EYA4: variants seen among roughly 807,000 people sequenced by gnomAD.
EYA4 encodes EYA transcriptional coactivator and phosphatase 4.
Under a neutral mutation model 87.9 loss-of-function variants are expected in EYA4, and 31 were observed. That is an observed-to-expected ratio of 0.35 (90% CI 0.27 to 0.48). The LOEUF (loss-of-function observed/expected upper bound fraction) is 0.48, where lower values mean the gene tolerates loss of function less well. Among genes scored for constraint, EYA4 ranks in the 20% least tolerant of loss-of-function variants. The pLI is 0.99. For missense variants in EYA4, 678 were observed against 761.4 expected (o/e 0.89, Z 1.29); for synonymous variants, 263 against 270.6 (o/e 0.97, Z 0.28).
rs563225795 is a variant in EYA4 at position 133,311,887 on chromosome 6, A to C, written c.33+37074A>C. 2.0e-3 allele frequency among the ~76,000 whole-genome samples: 305 copies of C among 152,358 alleles called. 1 individual carries two copies. Among genetic ancestry groups the C allele is most frequent in the African/African-American group, 7.1e-3 (294 of 41,578 alleles). On this transcript the variant is annotated intron_variant, in intron 2 of 19. Coordinates refer to ENST00000355286, the MANE Select transcript of EYA4 (RefSeq NM_004100.5). ...GAGAGAAGAAAAAGAAATGGAAAAC[A>C]GGAACACCTGTGGACTCTAGTCATG...
At chr6:133,420,440 TCTTC>T (rs1233249361) in intron 3 of EYA4, among the ~76,000 whole-genome samples, 1 of 152,228 alleles carries the variant, frequency 6.6e-6, no homozygotes, top group Non-Finnish European at 1.5e-5. Flanking sequence ...CTTCACTCCA[TCTTC>T]CTTGTTAGGA....
chr6:133,521,552 T>A (rs1326266554), intron 17 of EYA4, among the ~76,000 whole-genome samples: 7 of 123,946 alleles, frequency 5.6e-5, no homozygotes, highest in South Asian at 3.0e-4. Flanking sequence ...TGGAAGTCAG[T>A]GTGGCGATTC....
intron 3 of EYA4, among the ~76,000 whole-genome samples, chr6:133,429,363 A>G (rs1790976848): frequency 6.6e-6 from 1 of 152,212 alleles, no homozygotes; most frequent in Admixed American, 6.5e-5. Flanking sequence ...AAGCATTAGT[A>G]AGCTTAGGAG....
intron 3 of EYA4, among the ~76,000 whole-genome samples, chr6:133,401,098 A>G (rs1277960016): frequency 1.3e-5 from 2 of 152,196 alleles, no homozygotes; most frequent in African/African-American, 4.8e-5. Context: ...AACAACATGG[A>G]TAGAACTGGG....
At chr6:133,272,049 A>G (rs1430005295) in intron 1 of EYA4, among the ~76,000 whole-genome samples, 1 of 152,208 alleles carries the variant, frequency 6.6e-6, no homozygotes, top group Admixed American at 6.5e-5. Context: ...TCAGTATATA[A>G]TCACACATCT....
chr6:133,442,131 G>A (rs1413050831), intron 3 of EYA4, among the ~76,000 whole-genome samples: 1 of 151,852 alleles, frequency 6.6e-6, no homozygotes, highest in Admixed American at 6.6e-5. Flanking sequence ...CAACACTTGG[G>A]TCATAAACAG....
In EYA4 at chr6:133,481,483, A is replaced by C; in HGVS notation, c.991A>C (p.Ser331Arg). ...NQPGEFDTMQ[S>R]PSTPIKDLDE... ...TATAGGAGAGTTCGATACCATGCAGAGTCCCTCCACACCCATCAAAGATCT... is the reference window on the plus strand; with the variant it reads ...TATAGGAGAGTTCGATACCATGCAGCGTCCCTCCACACCCATCAAAGATCT... Residue 331 changes from serine (S) to arginine (R), a missense_variant, in exon 12 of 20, where the codon AGT (serine) becomes CGT (arginine). By Grantham distance (110) the Ser-to-Arg change is moderately radical. Coordinates refer to ENST00000355286, the MANE Select transcript of EYA4 (RefSeq NM_004100.5). 1.2e-6 allele frequency: 2 copies of C among 1,613,932 alleles called. No homozygotes were observed. The highest frequency in any genetic ancestry group is 2.2e-5 in the South Asian group (2 of 91,074).
At chr6:133,299,945 ATCTATCTATC>A (rs1393004912) in intron 2 of EYA4, among the ~76,000 whole-genome samples, 4 of 135,356 alleles carry the variant, frequency 3.0e-5, no homozygotes, top group East Asian at 2.0e-4. Context: ...CTATCTATCT[ATCTATCTATC>A]TATATATATA....
chr6:133,454,031 A>G (rs1046604547), intron 5 of EYA4, among the ~76,000 whole-genome samples: 5 of 152,176 alleles, frequency 3.3e-5, no homozygotes, highest in African/African-American at 9.7e-5. Flanking sequence ...CAAAATCAAT[A>G]CTAAGCTTTT....
At chr6:133,495,466 AAATAAATATAAAGAAATAT>A (rs148389913) in intron 13 of EYA4, among the ~76,000 whole-genome samples, 4,271 of 49,974 alleles carry the variant, frequency 0.085, 303 homozygotes, top group East Asian at 0.27. Context: ...ATTTATTTAT[AAATAAATATAAAGAAATAT>A]AGAAGAGAGA....
rs370720841 is a variant in EYA4, at chr6:133,367,066, T to C, written c.34-15326T>C. ...TGCTGTAAAAGAACCTGGAGGTATTTCACAGCTTTGGAGATGAAGGGTGCT... is the reference window on the plus strand; with the variant it reads ...TGCTGTAAAAGAACCTGGAGGTATTCCACAGCTTTGGAGATGAAGGGTGCT... On this transcript the variant is annotated intron_variant, in intron 2 of 19. Transcript: ENST00000355286. 4.1e-4 allele frequency among the ~76,000 whole-genome samples: 63 copies of C among 152,336 alleles called. 1 individual carries two copies. The South Asian group carries it at 9.9e-3, about 24-fold the overall frequency.
intron 2 of EYA4, among the ~76,000 whole-genome samples, chr6:133,277,604 A>ATGAG (rs1251409574): frequency 3.3e-5 from 5 of 152,244 alleles, no homozygotes; most frequent in Admixed American, 1.3e-4. Context: ...ATGCTCTTTA[A>ATGAG]TGAGTATTCA....
In EYA4 at chr6:133,396,422, G is replaced by A. The variant is rs569331054; in HGVS notation, c.83+13981G>A. ...AGCCTGGGAAAAAATGATTAATGTG[G>A]TTTGGTGGGATGCCAAGACAGATGC... On this transcript the variant is annotated intron_variant, in intron 3 of 19. Coordinates refer to ENST00000355286, the MANE Select transcript of EYA4 (RefSeq NM_004100.5). Among the ~76,000 whole-genome samples the A allele has an allele frequency of 2.8e-3, 420 of 152,282 alleles. 3 individuals carry two copies. The highest frequency in any genetic ancestry group is 9.7e-3 in the African/African-American group (405 of 41,554).
chr6:133,289,713 T>C (rs181029606), intron 2 of EYA4, among the ~76,000 whole-genome samples: 1 of 152,186 alleles, frequency 6.6e-6, no homozygotes, highest in Non-Finnish European at 1.5e-5. Context: ...CAGACTAAAG[T>C]TAGCTGACAT....
At chr6:133,510,564 C>T (rs1173541311) in intron 14 of EYA4, 2 of 237,924 alleles carry the variant, frequency 8.4e-6, no homozygotes, top group Non-Finnish European at 1.7e-5. Flanking sequence ...ACTATCATTG[C>T]TTGCAATGCC....
intron 2 of EYA4, among the ~76,000 whole-genome samples, chr6:133,283,475 T>C (rs1057296961): frequency 6.6e-5 from 10 of 152,208 alleles, no homozygotes; most frequent in African/African-American, 2.4e-4. Context: ...TGTTCATCGA[T>C]AGAGGTACCA....
chr6:133,311,100 A>G (rs1018282665), intron 2 of EYA4, among the ~76,000 whole-genome samples: 82 of 152,004 alleles, frequency 5.4e-4, no homozygotes, highest in African/African-American at 1.7e-3. Flanking sequence ...TTCTCTTAGT[A>G]TTACCATTAC....
At chr6:133,362,962 G>A (rs968039245) in intron 2 of EYA4, among the ~76,000 whole-genome samples, 1 of 152,166 alleles carries the variant, frequency 6.6e-6, no homozygotes. Flanking sequence ...AAACTCTGGC[G>A]AGGGCAGGGA....
intron 2 of EYA4, among the ~76,000 whole-genome samples, chr6:133,299,764 TA>T (rs1779231410): frequency 6.7e-6 from 1 of 149,196 alleles, no homozygotes; most frequent in South Asian, 2.1e-4. Context: ...TAAAATAAAA[TA>T]AAAACACTTA....
Sources: gnomAD v4.1 joint callset for allele counts (sites outside exome capture counted in the v4.1 genomes callset) on GRCh38, gnomAD v4.1.1 for gene constraint, MANE v1.5 for transcripts, NCBI Gene and HGNC (gene_info 2026-07-23, HGNC 2026-07-21) for gene names.